GPX3: variants seen among roughly 807,000 people sequenced by gnomAD.
GPX3 encodes GPx-3.
In GPX3, 22 loss-of-function variants were observed where a neutral mutation model predicts 25.1. The ratio of observed to expected loss-of-function variants is 0.88; its 90% CI spans 0.63 to 1.25. The LOEUF is 1.25. Among genes scored for constraint, GPX3 ranks in the 50% most tolerant of loss-of-function variants. The pLI, the probability that GPX3 is intolerant of heterozygous loss-of-function variation, is 0.00. For missense variants in GPX3, 278 were observed against 286.6 expected (o/e 0.97, Z 0.22); for synonymous variants, 110 against 114.5 (o/e 0.96, Z 0.25).
intron 1 of GPX3, among the ~76,000 whole-genome samples, chr5:151,023,734 C>G (rs778027321): frequency 3.3e-5 from 5 of 152,106 alleles, no homozygotes; most frequent in Non-Finnish European, 5.9e-5. Context: ...CGGAACTGGC[C>G]CTGGCTGGGA....
intron 1 of GPX3, among the ~76,000 whole-genome samples, chr5:151,022,757 C>T (rs1189216277): frequency 6.6e-6 from 1 of 152,174 alleles, no homozygotes; most frequent in Non-Finnish European, 1.5e-5. Flanking sequence ...GAAAGAGTGA[C>T]AACTGCTGAC....
At chr5:151,024,599 A>G (rs1009154366) in intron 1 of GPX3, among the ~76,000 whole-genome samples, 3 of 152,202 alleles carry the variant, frequency 2.0e-5, no homozygotes, top group African/African-American at 7.2e-5. Context: ...CTTGTCCTGG[A>G]GGCTGACTGT....
chr5:151,026,939 T>C lies in GPX3; in HGVS notation c.281T>C (p.Leu94Pro). 1.2e-6 allele frequency: 2 copies of C among 1,614,164 alleles called. No individual in the cohort carries two copies. The highest frequency in any genetic ancestry group is 2.7e-5 in the African/African-American group (2 of 75,054). ...CAGGAAGAGCTTGCACCATTCGGTC[T>C]GGTCATTCTGGGCTTTCCCTGCAAC... ...ALQEELAPFG[L>P]VILGFPCNQF... Residue 94 changes from leucine to proline, a missense_variant, in exon 3 of 5, where the codon CTG (leucine) becomes CCG (proline). Physicochemically the swap from Leu to Pro is moderately conservative, Grantham distance 98 (BLOSUM62 -3). Coordinates refer to ENST00000388825, the MANE Select transcript of GPX3 (RefSeq NM_002084.5).
chr5:151,020,995 GTC>G, intron 1 of GPX3: 2 of 520,612 alleles, frequency 3.8e-6, no homozygotes, highest in Non-Finnish European at 6.9e-6. Flanking sequence ...AGGGAGGAAG[GTC>G]TCTCTCCCCG....
intron 4 of GPX3, 132 bp downstream of exon 4, chr5:151,027,663 A>C: frequency 1.4e-6 from 1 of 691,598 alleles, no homozygotes; most frequent in Non-Finnish European, 2.5e-6. Context: ...TATTGTTCCA[A>C]CTAGAGGGCT....
At chr5:151,025,236 T>G in intron 1 of GPX3, 104 bp from the exon 2 acceptor site, 1 of 930,834 alleles carries the variant, frequency 1.1e-6, no homozygotes. Context: ...GGTGATTACT[T>G]TGAGAAAGTC....
In GPX3 at chr5:151,028,379, G is replaced by C. The variant is rs2070593; in HGVS notation, c.*249G>C. On this transcript the variant is annotated 3_prime_UTR_variant, in exon 5 of 5. Transcript: ENST00000388825. The stretch of plus-strand genomic sequence containing the variant: ...TGTGTGTGCATGGGTGTACAGCCAC[G>C]TGTCTACCTATGTGTCTTTCTGGGA... 2 of 513,082 alleles carry C rather than the reference G, an allele frequency of 3.9e-6. No individual in the cohort carries two copies. The highest frequency in any genetic ancestry group is 3.6e-6 in the Non-Finnish European group (1 of 279,664). 31.8% of individuals were successfully genotyped at this position (513,082 alleles called of 1,614,324 possible). A position where few individuals can be genotyped will look rare whatever the true frequency, so the allele number is the denominator to read the frequency against.
At chr5:151,027,776 T>A (rs773563703) in intron 4 of GPX3, 133 bp from the exon 5 acceptor site, 1 of 793,260 alleles carries the variant, frequency 1.3e-6, no homozygotes, top group East Asian at 2.6e-5. Context: ...GAGCCACAGC[T>A]GGCGCTGGCA....
At chr5:151,022,521 C>T (rs1271889869) in intron 1 of GPX3, among the ~76,000 whole-genome samples, 1 of 152,182 alleles carries the variant, frequency 6.6e-6, no homozygotes, top group Non-Finnish European at 1.5e-5. Flanking sequence ...AGGACCCAAC[C>T]ACTCACCTTA....
chr5:151,025,579 G>A (rs1756535868), intron 2 of GPX3, 86 bp downstream of exon 2: 1 of 1,207,374 alleles, frequency 8.3e-7, no homozygotes, highest in Non-Finnish European at 1.2e-6. Flanking sequence ...ATGGGGGAAA[G>A]GGTGATGGCA....
At chr5:151,026,214 G>A (rs894999813) in intron 2 of GPX3, among the ~76,000 whole-genome samples, 1 of 152,210 alleles carries the variant, frequency 6.6e-6, no homozygotes, top group Non-Finnish European at 1.5e-5. Context: ...AGGGGAAAAC[G>A]CTTTGGGGCT....
intron 1 of GPX3, 107 bp from the exon 2 acceptor site, chr5:151,025,233 A>T: frequency 1.2e-6 from 1 of 868,504 alleles, no homozygotes; most frequent in Non-Finnish European, 1.7e-6. Context: ...CTCGGTGATT[A>T]CTTTGAGAAA....
chr5:151,020,962 G>C (rs1756466376), intron 1 of GPX3: 1 of 615,250 alleles, frequency 1.6e-6, no homozygotes, highest in African/African-American at 1.8e-5. Context: ...GAGACCTGGT[G>C]CTTCAGGCGG....
intron 2 of GPX3, among the ~76,000 whole-genome samples, chr5:151,026,104 C>T (rs933029670): frequency 1.1e-4 from 16 of 152,210 alleles, no homozygotes; most frequent in Admixed American, 9.2e-4. Context: ...GCATTTGGCG[C>T]AGGTTTCATG....
rs1561788005 is a variant in GPX3, at chr5:151,025,320, T to C, written c.88-20T>C. On this transcript the variant is annotated intron_variant, in intron 1 of 4. Transcript: ENST00000388825. ...GTTCCTTTCCAGCTCTAACTGCTCC[T>C]TTTATGGCCTGTGTTCCAGATGGAC... 1 of 1,534,390 alleles carries C rather than the reference T, an allele frequency of 6.5e-7. No individual in the cohort carries two copies. Among genetic ancestry groups the C allele is most frequent in the Non-Finnish European group, 8.8e-7 (1 of 1,134,948 alleles).
intron 2 of GPX3, 124 bp downstream of exon 2, chr5:151,025,617 A>C (rs1286392472): frequency 7.6e-6 from 6 of 789,188 alleles, no homozygotes; most frequent in East Asian, 2.8e-5. Flanking sequence ...CCCTTTTCTC[A>C]GCTCCACTGT....
At chr5:151,023,593 GA>G (rs1323652700) in intron 1 of GPX3, among the ~76,000 whole-genome samples, 1 of 152,144 alleles carries the variant, frequency 6.6e-6, no homozygotes, top group Non-Finnish European at 1.5e-5. Context: ...CCATGTCTCA[GA>G]GTTCATTTTT....
At chr5:151,025,522 A>AC in intron 2 of GPX3, 29 bp downstream of exon 2, 1 of 1,568,052 alleles carries the variant, frequency 6.4e-7, no homozygotes, top group Non-Finnish European at 8.7e-7. Flanking sequence ...TCCCTGCTTT[A>AC]TTTGGGGCTG....
Position 151,028,608 on chromosome 5 carries a change from C to T in GPX3, c.*478C>T, listed in dbSNP as rs1581700592. The stretch of plus-strand genomic sequence containing the variant: ...TGCCTCCAAATATTAGTAACTATGA[C>T]TGACGTCCCCAGAAGTTTCTGGGTC... On this transcript the variant is annotated 3_prime_UTR_variant, in exon 5 of 5. Coordinates refer to ENST00000388825, the MANE Select transcript of GPX3 (RefSeq NM_002084.5). 1.2e-5 allele frequency: 2 copies of T among 167,438 alleles called. No individual in the cohort carries two copies. The highest frequency in any genetic ancestry group is 6.0e-3 in the Middle Eastern group (2 of 336). 10.4% of individuals were successfully genotyped at this position (167,438 alleles called of 1,614,324 possible).
Sources: gnomAD v4.1 joint callset for allele counts (sites outside exome capture counted in the v4.1 genomes callset) on GRCh38, gnomAD v4.1.1 for gene constraint, MANE v1.5 for transcripts, NCBI Gene and HGNC (gene_info 2026-07-23, HGNC 2026-07-21) for gene names.